Variants in GSE1 observed in about 807,000 individuals in gnomAD.
GSE1 encodes the protein Gse1 coiled-coil protein.
Under a neutral mutation model 112.6 loss-of-function variants are expected in GSE1, and 32 were observed. The ratio of observed to expected loss-of-function variants is 0.28; its 90% confidence interval spans 0.21 to 0.38. The LOEUF (loss-of-function observed/expected upper bound fraction) is 0.38, where lower values mean the gene tolerates loss of function less well. Ranked by LOEUF, GSE1 falls within the 10% of genes least tolerant of loss-of-function variation. The probability of loss-of-function intolerance (pLI) is 1.00; values close to 1 mark genes in which losing one functional copy is unlikely to be tolerated. For synonymous variants in GSE1, 1,115 were observed against 735.6 expected (o/e 1.52, Z -8.35); for missense variants, 2,348 against 1,699.2 (o/e 1.38, Z -6.71).
At chr16:85,342,686 A>G (rs866829582) in intron 1 of GSE1, among the ~76,000 whole-genome samples, 1 of 152,046 alleles carries the variant, frequency 6.6e-6, no homozygotes, top group African/African-American at 2.4e-5. Flanking sequence ...AGTCTGTTAA[A>G]CATCTCTGAG....
chr16:85,663,068 C>G lies in GSE1; in HGVS notation c.2348C>G (p.Pro783Arg). The G allele has an allele frequency of 6.2e-7, 1 of 1,611,596 alleles. No homozygotes were observed. The change falls in exon 10 of 16, where the codon CCC becomes CGC. Residue 783 changes from proline (P) to arginine (R), a missense_variant. By Grantham distance (103) the Pro-to-Arg change is moderately radical. Coordinates refer to ENST00000253458, the MANE Select transcript of GSE1 (RefSeq NM_014615.5). ...CTCCGTTGCGTGGCCGAGCAGCCGCCCCTCAAACTGGACACGTCCTCTGAG... is the reference window on the plus strand; with the variant it reads ...CTCCGTTGCGTGGCCGAGCAGCCGCGCCTCAAACTGGACACGTCCTCTGAG... Reference protein sequence around the residue: ...AHLRCVAEQPPLKLDTSSEKL... With the variant: ...AHLRCVAEQPRLKLDTSSEKL...
chr16:85,387,984 ATGGGTGGG>A (rs756896739), intron 2 of GSE1, among the ~76,000 whole-genome samples: 70 of 99,148 alleles, frequency 7.1e-4, no homozygotes, highest in Non-Finnish European at 1.3e-3. Context: ...GGGTGAGTGG[ATGGGTGGG>A]TGGATGGATG....
chr16:85,207,508 G>A (rs1158350479), intron 1 of GSE1, among the ~76,000 whole-genome samples: 1 of 152,222 alleles, frequency 6.6e-6, no homozygotes, highest in Non-Finnish European at 1.5e-5. Context: ...CCCTGCTGGG[G>A]GTGACTGAGG....
intron 1 of GSE1, among the ~76,000 whole-genome samples, chr16:85,337,051 CAT>C (rs1368319105): frequency 6.6e-6 from 1 of 152,252 alleles, no homozygotes; most frequent in African/African-American, 2.4e-5. Context: ...CACACTGACA[CAT>C]ATGCACACAC....
At chr16:85,483,943 G>GGAC (rs1344047065) in intron 2 of GSE1, among the ~76,000 whole-genome samples, 2 of 152,182 alleles carry the variant, frequency 1.3e-5, no homozygotes, top group African/African-American at 2.4e-5. Flanking sequence ...GGACAGTGGG[G>GGAC]GACTTTCAGA....
At chr16:85,171,155 T>C in exon 1 of GSE1, 5 of 985,644 alleles carry the variant, frequency 5.1e-6, no homozygotes, top group Non-Finnish European at 6.0e-6. Flanking sequence ...CTGGAGGATG[T>C]CTGGGCCCTG....
At chr16:85,280,354 C>G (rs2044821253) in intron 1 of GSE1, among the ~76,000 whole-genome samples, 1 of 152,208 alleles carries the variant, frequency 6.6e-6, no homozygotes, top group Non-Finnish European at 1.5e-5. Flanking sequence ...CCGTGGAATG[C>G]ACCACTCCTG....
chr16:85,357,697 C>A, intron 2 of GSE1: 1 of 1,188,400 alleles, frequency 8.4e-7, no homozygotes, highest in African/African-American at 1.6e-5. Context: ...TGCGGTTGTC[C>A]CAGCAGGGAT....
At chr16:85,264,524 C>T (rs574443418) in intron 1 of GSE1, among the ~76,000 whole-genome samples, 4 of 152,290 alleles carry the variant, frequency 2.6e-5, no homozygotes, top group South Asian at 2.1e-4. Flanking sequence ...ACCTGCCACT[C>T]GCTGAAGACC....
chr16:85,424,349 G>A (rs1419201997), intron 2 of GSE1, among the ~76,000 whole-genome samples: 11 of 152,202 alleles, frequency 7.2e-5, no homozygotes, highest in Non-Finnish European at 1.6e-4. Flanking sequence ...TCACCTGTTC[G>A]GCCCGGGGCT....
At chr16:85,217,958 T>C (rs2075331818) in intron 1 of GSE1, among the ~76,000 whole-genome samples, 1 of 152,140 alleles carries the variant, frequency 6.6e-6, no homozygotes, top group Non-Finnish European at 1.5e-5. Context: ...TGGAGTGCAG[T>C]GGCGCGATCT....
chr16:85,183,894 C>T (rs2074647048), intron 1 of GSE1, among the ~76,000 whole-genome samples: 1 of 152,178 alleles, frequency 6.6e-6, no homozygotes, highest in African/African-American at 2.4e-5. Context: ...CTTTCTAGAA[C>T]TTTCTTCACA....
chr16:85,420,613 G>T (rs1399707336), intron 2 of GSE1, among the ~76,000 whole-genome samples: 1 of 152,162 alleles, frequency 6.6e-6, no homozygotes, highest in South Asian at 2.1e-4. Flanking sequence ...CACAAACACT[G>T]GAGGGCCTGC....
chr16:85,465,916 T>C (rs1451212027), intron 2 of GSE1, among the ~76,000 whole-genome samples: 1 of 152,256 alleles, frequency 6.6e-6, no homozygotes, highest in Non-Finnish European at 1.5e-5. Flanking sequence ...AGCTATTCAG[T>C]GAGCACTTTG....
At chr16:85,286,934 G>A (rs934671048) in intron 1 of GSE1, among the ~76,000 whole-genome samples, 1 of 152,234 alleles carries the variant, frequency 6.6e-6, no homozygotes, top group African/African-American at 2.4e-5. Context: ...TGGTGGAAGA[G>A]AAGCCTTTGC....
At chr16:85,255,074 G>T (rs1325444132) in intron 1 of GSE1, among the ~76,000 whole-genome samples, 1 of 150,920 alleles carries the variant, frequency 6.6e-6, no homozygotes, top group East Asian at 2.0e-4. Context: ...GAGCAGATGG[G>T]CCCAGAGAGG....
At position 85,665,098 on chromosome 16, in the gene GSE1, C is replaced by A; in HGVS notation, c.2728C>A (p.Pro910Thr). Residue 910 changes from proline to threonine, a missense_variant, in exon 12 of 16, where the codon CCG becomes ACG. Coordinates refer to ENST00000253458, the MANE Select transcript of GSE1 (RefSeq NM_014615.5). ...AGTGGCCGACTCCTTGACAAACTCT[C>A]CGAGGGACAGTCCTGCCGTCTCCCT... Reference protein sequence around the residue: ...AAVADSLTNSPRDSPAVSLSE... With the variant: ...AAVADSLTNSTRDSPAVSLSE... The A allele has an allele frequency of 6.2e-7, 1 of 1,610,088 alleles. No individual in the cohort carries two copies. Among genetic ancestry groups the A allele is most frequent in the Non-Finnish European group, 8.5e-7 (1 of 1,176,680 alleles).
intron 1 of GSE1, among the ~76,000 whole-genome samples, chr16:85,201,743 C>T (rs1412331689): frequency 6.6e-6 from 1 of 152,178 alleles, no homozygotes; most frequent in Non-Finnish European, 1.5e-5. Flanking sequence ...CCGTGCCCCA[C>T]AGTTCCAGAC....
chr16:85,264,737 G>C (rs1407974015), intron 1 of GSE1, among the ~76,000 whole-genome samples: 1 of 152,194 alleles, frequency 6.6e-6, no homozygotes, highest in Admixed American at 6.5e-5. Flanking sequence ...AGTGTGTGTA[G>C]AGTCAGGAAA....
Sources: allele counts gnomAD v4.1 joint callset (sites outside exome capture counted in the v4.1 genomes callset), GRCh38; gene constraint gnomAD v4.1.1; transcripts MANE v1.5; gene names NCBI Gene and HGNC (gene_info 2026-07-23, HGNC 2026-07-21).